Variants in SCN9A observed in about 807,000 individuals in gnomAD.
The protein encoded by SCN9A is sodium channel protein type 9 subunit alpha.
In SCN9A, 131 loss-of-function variants were observed where a neutral mutation model predicts 187.0. The observed-to-expected ratio is 0.70, with a 90% CI of 0.61 to 0.81. The LOEUF is 0.81. Ranked by LOEUF, SCN9A falls within the 30% of genes least tolerant of loss-of-function variation. SCN9A has a pLI of 0.00. For synonymous variants in SCN9A, 809 were observed against 808.6 expected (o/e 1.00, Z -0.01); for missense variants, 2,252 against 2,396.6 (o/e 0.94, Z 1.26).
intron 10 of SCN9A, among the ~76,000 whole-genome samples, chr2:166,288,093 TTATA>T (rs72083111): frequency 0.2 from 26,830 of 134,766 alleles, 2,917 homozygotes; most frequent in East Asian, 0.5. Context: ...TTCCATGTGT[TTATA>T]TATATATATA....
chr2:166,261,536 C>T (rs1696506370), intron 17 of SCN9A, among the ~76,000 whole-genome samples: 1 of 151,838 alleles, frequency 6.6e-6, no homozygotes, highest in Non-Finnish European at 1.5e-5. Context: ...TGAAGATTGG[C>T]AGAAGGGAGA....
In SCN9A at chr2:166,242,675, A is replaced by G. The variant is rs1038905740; in HGVS notation, c.3473-19T>C. The G allele has an allele frequency of 3.9e-6, 6 of 1,528,116 alleles. No individual in the cohort carries two copies. In the African/African-American group the frequency reaches 6.9e-5, roughly 18 times the overall value. The allele number at this position is 1,528,116 out of a possible 1,614,324, so 94.7% of individuals were successfully genotyped here. A position where few individuals can be genotyped will look rare whatever the true frequency, so the allele number is the denominator to read the frequency against. ...ACACAACCTGACAAGAAAGACATGC[A>G]TGTTAAATCTTGATATTCAGAATAA... On this transcript the variant is annotated intron_variant, in intron 18 of 26. Transcript: ENST00000642356.
At chr2:166,235,756 C>T (rs967958920) in intron 20 of SCN9A, among the ~76,000 whole-genome samples, 7 of 151,674 alleles carry the variant, frequency 4.6e-5, no homozygotes, top group African/African-American at 2.4e-5. Flanking sequence ...TTGTGTGGAG[C>T]TTTACTCTCT....
intron 17 of SCN9A, among the ~76,000 whole-genome samples, chr2:166,253,677 C>T (rs1453118543): frequency 2.0e-5 from 3 of 151,692 alleles, no homozygotes; most frequent in African/African-American, 7.3e-5. Context: ...TTCCTGACCT[C>T]TCGGCTGCAC....
At chr2:166,304,166 A>C (rs1164816166) in intron 6 of SCN9A, 72 bp downstream of exon 6, 2 of 1,610,906 alleles carry the variant, frequency 1.2e-6, no homozygotes, top group East Asian at 4.5e-5. Flanking sequence ...CACACACACA[A>C]ACGAACAAAG....
At chr2:166,301,850 A>T (rs1187817795) in intron 7 of SCN9A, 3 of 151,042 alleles carry the variant, frequency 2.0e-5, no homozygotes, top group African/African-American at 7.4e-5. Context: ...AAAGAAGGGG[A>T]AAATATGCTA....
intron 9 of SCN9A, among the ~76,000 whole-genome samples, chr2:166,289,518 C>A (rs1697945298): frequency 6.6e-6 from 1 of 152,008 alleles, no homozygotes; most frequent in Non-Finnish European, 1.5e-5. Flanking sequence ...TGAACTTATT[C>A]TTTTTTATGG....
At chr2:166,270,263 C>A (rs190467256) in intron 17 of SCN9A, among the ~76,000 whole-genome samples, 2 of 151,732 alleles carry the variant, frequency 1.3e-5, no homozygotes, top group East Asian at 3.9e-4. Context: ...TATAGTAAAA[C>A]AAATATTTAC....
Position 166,243,958 on chromosome 2 carries a change from T to C in SCN9A, c.3473-1302A>G, listed in dbSNP as rs142584105. On this transcript the variant is annotated intron_variant, in intron 18 of 26. Transcript: ENST00000642356. ...GGGAAAGATTAGTTAGGAACTAGAGTTGTAACAGATTCAAGACATATTTGG... is the reference window on the plus strand; with the variant it reads ...GGGAAAGATTAGTTAGGAACTAGAGCTGTAACAGATTCAAGACATATTTGG... 1.9e-3 allele frequency among the ~76,000 whole-genome samples: 288 copies of C among 151,776 alleles called. 2 individuals are homozygous for C. The highest frequency in any genetic ancestry group is 6.6e-3 in the African/African-American group (274 of 41,380).
At chr2:166,332,774 C>A (rs1173041092) in intron 1 of SCN9A, among the ~76,000 whole-genome samples, 1 of 151,930 alleles carries the variant, frequency 6.6e-6, no homozygotes, top group African/African-American at 2.4e-5. Flanking sequence ...ATATCTTCTA[C>A]ACTATTATTC....
Position 166,311,604 on chromosome 2 carries a change from A to G in SCN9A, c.153T>C (p.Ser51=), listed in dbSNP as rs199836776. ...DDDEEAPKPS[S]DLEAGKQLPF... Reference sequence around the variant, plus strand: ...GCAGCTGTTTGCCAGCTTCCAAGTCACTGCTTGGCTTTGGGGCTTCTTCAT... The same window carrying G: ...GCAGCTGTTTGCCAGCTTCCAAGTCGCTGCTTGGCTTTGGGGCTTCTTCAT... Residue 51 remains serine, a synonymous_variant, in exon 2 of 27, where the codon AGT becomes AGC. Coordinates refer to ENST00000642356, the MANE Select transcript of SCN9A (RefSeq NM_001365536.1). 9.9e-6 allele frequency: 16 copies of G among 1,612,966 alleles called. 1 individual carries two copies. The Admixed American group carries it at 2.5e-4, about 25-fold the overall frequency.
intron 1 of SCN9A, among the ~76,000 whole-genome samples, chr2:166,369,274 A>G (rs1574973365): frequency 6.6e-6 from 1 of 152,178 alleles, no homozygotes; most frequent in Non-Finnish European, 1.5e-5. Context: ...TAAAGGAAAT[A>G]TTTGGGAAAA....
chr2:166,264,823 T>C (rs951974388), intron 17 of SCN9A, among the ~76,000 whole-genome samples: 2 of 151,912 alleles, frequency 1.3e-5, no homozygotes, highest in Admixed American at 6.6e-5. Context: ...TGCAGGTTCT[T>C]AAACAAGCAA....
intron 20 of SCN9A, among the ~76,000 whole-genome samples, chr2:166,235,742 A>G (rs10200136): frequency 0.036 from 5,406 of 151,918 alleles, 136 homozygotes; most frequent in Middle Eastern, 0.071. Context: ...TGTCAGCAAG[A>G]ATATTGTGTG....
At chr2:166,231,159 A>G (rs1205525311) in intron 21 of SCN9A, among the ~76,000 whole-genome samples, 1 of 152,222 alleles carries the variant, frequency 6.6e-6, no homozygotes, top group Non-Finnish European at 1.5e-5. Context: ...TTAATCACTG[A>G]AGGAAGTGGT....
At chr2:166,313,797 A>G (rs984219237) in intron 1 of SCN9A, among the ~76,000 whole-genome samples, 5 of 152,222 alleles carry the variant, frequency 3.3e-5, no homozygotes, top group Non-Finnish European at 7.3e-5. Flanking sequence ...ATTTTGGCCT[A>G]TCTTGGCTTT....
chr2:166,295,862 A>C (rs1490390173), intron 7 of SCN9A, among the ~76,000 whole-genome samples: 9 of 152,178 alleles, frequency 5.9e-5, no homozygotes, highest in Non-Finnish European at 1.0e-4. Context: ...TAGTAGTAAA[A>C]GTTCTCATCA....
rs1238850973 is a variant in SCN9A, at chr2:166,286,508, C to G, written c.1430G>C (p.Arg477Thr). 3.7e-6 allele frequency: 6 copies of G among 1,613,444 alleles called. No individual in the cohort carries two copies. Among genetic ancestry groups the G allele is most frequent in the Non-Finnish European group, 5.1e-6 (6 of 1,179,716 alleles). ...KLSSKSAKER[R>T]NRRKKKNQKK... is the part of the protein sequence containing the mutation. Reference sequence around the variant, plus strand: ...TTGATTCTTTTTCTTTCTTCTGTTTCTTCTTTCTTTAGCACTTTTAGAGCT... The same window carrying G: ...TTGATTCTTTTTCTTTCTTCTGTTTGTTCTTTCTTTAGCACTTTTAGAGCT... Residue 477 changes from arginine to threonine, a missense_variant, in exon 11 of 27, where the codon AGA becomes ACA. Physicochemically the swap from Arg to Thr is moderately conservative, Grantham distance 71. Coordinates refer to ENST00000642356, the MANE Select transcript of SCN9A (RefSeq NM_001365536.1).
intron 17 of SCN9A, among the ~76,000 whole-genome samples, chr2:166,256,338 C>T (rs1359409582): frequency 6.8e-6 from 1 of 147,316 alleles, no homozygotes; most frequent in South Asian, 2.1e-4. Context: ...TCTCTACAAT[C>T]TTTTTTTTTT....
Sources: allele counts gnomAD v4.1 joint callset (sites outside exome capture counted in the v4.1 genomes callset), GRCh38; gene constraint gnomAD v4.1.1; transcripts MANE v1.5; gene names NCBI Gene and HGNC (gene_info 2026-07-23, HGNC 2026-07-21).